PRICKLE1: variants seen among roughly 807,000 people sequenced by gnomAD.
PRICKLE1 encodes the protein prickle-like protein 1.
Under a neutral mutation model 70.2 loss-of-function variants are expected in PRICKLE1, and 14 were observed. That is an observed-to-expected ratio of 0.20 (90% CI 0.13 to 0.31). PRICKLE1 has a LOEUF of 0.31. Ranked by LOEUF, PRICKLE1 falls within the 10% of genes least tolerant of loss-of-function variation. The pLI is 1.00. For synonymous variants in PRICKLE1, 357 were observed against 379.9 expected (o/e 0.94, Z 0.70); for missense variants, 821 against 1,026.2 (o/e 0.80, Z 2.73).
intron 1 of PRICKLE1, among the ~76,000 whole-genome samples, chr12:42,491,318 C>T (rs1031683816): frequency 6.6e-6 from 1 of 150,680 alleles, no homozygotes; most frequent in African/African-American, 2.4e-5. Flanking sequence ...TTTGGGAGGC[C>T]GAGGTGGGCG....
At chr12:42,506,250 TCTTTCTTTC>T (rs768946060) in intron 1 of PRICKLE1, among the ~76,000 whole-genome samples, 2,935 of 81,496 alleles carry the variant, frequency 0.036, 134 homozygotes, top group Admixed American at 0.15. Flanking sequence ...TGTTCTTTTT[TCTTTCTTTC>T]TTTTTTTTTT....
intron 6 of PRICKLE1, 164 bp from the exon 7 acceptor site, chr12:42,465,422 G>A (rs1938057418): frequency 1.5e-6 from 1 of 661,780 alleles, no homozygotes; most frequent in African/African-American, 1.8e-5. Flanking sequence ...GTATTTGTGA[G>A]TGTGCCTACT....
rs188184548 is a variant in PRICKLE1 at position 42,535,590 on chromosome 12, G to A, written c.-49+53875C>T. On this transcript the variant is annotated intron_variant, in intron 1 of 7. Transcript: ENST00000345127. Reference sequence around the variant, plus strand: ...TAGAATGAGTTTGCTCTTCCTTAGGGGCAGGCAGCCAACAGAGTAGGAAGC... The same window carrying A: ...TAGAATGAGTTTGCTCTTCCTTAGGAGCAGGCAGCCAACAGAGTAGGAAGC... Among the ~76,000 whole-genome samples, 113 of 152,232 alleles carry A rather than the reference G, an allele frequency of 7.4e-4. 1 individual carries two copies. Among genetic ancestry groups the A allele is most frequent in the Middle Eastern group, 3.4e-3 (1 of 294 alleles).
chr12:42,511,473 AACAG>A (rs1216096059), intron 1 of PRICKLE1, among the ~76,000 whole-genome samples: 17 of 152,350 alleles, frequency 1.1e-4, no homozygotes, highest in Admixed American at 9.8e-4. Context: ...GTATGAGATT[AACAG>A]AAAGTAGTAT....
chr12:42,522,365 T>C (rs57295424), intron 1 of PRICKLE1, among the ~76,000 whole-genome samples: 3,901 of 152,216 alleles, frequency 0.026, 107 homozygotes, highest in East Asian at 0.12. Flanking sequence ...GTCTACTCAG[T>C]AGCTGGGACT....
chr12:42,581,984 A>C (rs1036609360), intron 1 of PRICKLE1, among the ~76,000 whole-genome samples: 3 of 151,862 alleles, frequency 2.0e-5, no homozygotes, highest in Admixed American at 6.6e-5. Context: ...AGGGGAGGGA[A>C]AAAAAAAGAG....
At chr12:42,496,907 C>G (rs1939211346) in intron 1 of PRICKLE1, among the ~76,000 whole-genome samples, 1 of 151,916 alleles carries the variant, frequency 6.6e-6, no homozygotes, top group Non-Finnish European at 1.5e-5. Flanking sequence ...AGCAATAAGT[C>G]TGTTTCACTT....
At chr12:42,531,043 C>CT (rs141334021) in intron 1 of PRICKLE1, among the ~76,000 whole-genome samples, 2,781 of 99,952 alleles carry the variant, frequency 0.028, 141 homozygotes, top group African/African-American at 0.075. Flanking sequence ...ATGTTAAGGG[C>CT]TTTTTTTTTT....
intron 1 of PRICKLE1, among the ~76,000 whole-genome samples, chr12:42,537,868 C>G (rs988766741): frequency 6.6e-6 from 1 of 152,168 alleles, no homozygotes; most frequent in African/African-American, 2.4e-5. Flanking sequence ...ACCAAACAAT[C>G]GTGTAACAGT....
chr12:42,485,257 T>G (rs996534945), intron 1 of PRICKLE1: 58 of 144,408 alleles, frequency 4.0e-4, no homozygotes, highest in African/African-American at 1.5e-3. Context: ...TTTTTTTTTT[T>G]TTTTTTTTTT....
rs1566082169 is a variant in PRICKLE1 at position 42,466,226 on chromosome 12, G to A, written c.743C>T (p.Ala248Val). The change falls in exon 6 of 8, where the codon GCG (alanine) becomes GTG (valine). Residue 248 changes from alanine to valine, a missense_variant. Physicochemically the swap from Ala to Val is moderately conservative, Grantham distance 64 (BLOSUM62 0). Transcript: ENST00000345127. ...FCCGCFESLY[A>V]EYCETCGEHI... is the part of the protein sequence containing the mutation. ...TTCCCCACAGGTTTCACAGTACTCC[G>A]CATAGAGAGACTCAAAACAGCCACA... 5 of 1,614,156 alleles carry A rather than the reference G, an allele frequency of 3.1e-6. No homozygotes were observed. Among genetic ancestry groups the A allele is most frequent in the East Asian group, 2.2e-5 (1 of 44,886 alleles).
At chr12:42,560,028 A>C (rs571783376) in intron 1 of PRICKLE1, among the ~76,000 whole-genome samples, 2 of 151,730 alleles carry the variant, frequency 1.3e-5, no homozygotes, top group East Asian at 3.9e-4. Flanking sequence ...GAAGGAAAAG[A>C]ACAGGAACCA....
chr12:42,476,598 G>C (rs186235739), intron 1 of PRICKLE1, among the ~76,000 whole-genome samples: 1 of 152,182 alleles, frequency 6.6e-6, no homozygotes, highest in Non-Finnish European at 1.5e-5. Context: ...TTACAGGCGT[G>C]AGCCACGGCA....
intron 1 of PRICKLE1, among the ~76,000 whole-genome samples, chr12:42,543,747 T>C (rs1414111573): frequency 6.6e-6 from 1 of 152,122 alleles, no homozygotes; most frequent in East Asian, 1.9e-4. Context: ...GGTCTCGATC[T>C]CCTGACCTCG....
rs1191261840 is a variant in PRICKLE1, at chr12:42,459,990, G to A, written c.2315C>T (p.Ser772Leu). 9 of 1,613,924 alleles carry A rather than the reference G, an allele frequency of 5.6e-6. No individual in the cohort carries two copies. Among genetic ancestry groups the A allele is most frequent in the Admixed American group, 1.7e-5 (1 of 59,974 alleles). ...WCSSSSSSSD[S>L]EEEGYFLGQP... ...TCCAAGAAAATATCCTTCTTCTTCC[G>A]AGTCGGAAGAGGAGGAGGAGGAAGA... Residue 772 changes from serine to leucine, a missense_variant, in exon 8 of 8, where the codon TCG becomes TTG. Transcript: ENST00000345127.
At chr12:42,517,177 A>G (rs960049395) in intron 1 of PRICKLE1, among the ~76,000 whole-genome samples, 8 of 151,984 alleles carry the variant, frequency 5.3e-5, no homozygotes, top group Admixed American at 4.6e-4. Flanking sequence ...CAGATTCCAA[A>G]GTTTTGTTAT....
chr12:42,481,878 C>T lies in PRICKLE1; in HGVS notation c.-48-9314G>A, dbSNP rs1938806027. The stretch of plus-strand genomic sequence containing the variant: ...AGGTTTCACACACTCAAGGGGCATT[C>T]AGTGCTTACTGTCTACTAAAGACAA... On this transcript the variant is annotated intron_variant, in intron 1 of 7. Coordinates refer to ENST00000345127, the MANE Select transcript of PRICKLE1 (RefSeq NM_153026.3). Among the ~76,000 whole-genome samples, 4 of 150,108 alleles carry T rather than the reference C, an allele frequency of 2.7e-5. No homozygotes were observed. The South Asian group carries it at 6.2e-4, about 23-fold the overall frequency.
At chr12:42,520,708 C>T (rs961197943) in intron 1 of PRICKLE1, among the ~76,000 whole-genome samples, 4 of 152,128 alleles carry the variant, frequency 2.6e-5, no homozygotes, top group Admixed American at 6.5e-5. Context: ...TTAGGCAGGG[C>T]GTCAAACTGT....
intron 1 of PRICKLE1, among the ~76,000 whole-genome samples, chr12:42,524,075 A>G (rs1939759473): frequency 6.6e-6 from 1 of 152,254 alleles, no homozygotes. Context: ...TCTTTAAGCT[A>G]ATTTTCTTTC....
Sources: gnomAD v4.1 joint callset for allele counts (sites outside exome capture counted in the v4.1 genomes callset) on GRCh38, gnomAD v4.1.1 for gene constraint, MANE v1.5 for transcripts, NCBI Gene and HGNC (gene_info 2026-07-23, HGNC 2026-07-21) for gene names.